GMDS: variants seen among roughly 807,000 people sequenced by gnomAD.
GMDS encodes GDP-mannose 4,6-dehydratase, also known as GDP-mannose 4,6 dehydratase.
GMDS carries 20 observed loss-of-function variants against 49.9 expected under a neutral mutation model. That is an observed-to-expected ratio of 0.40 (90% confidence interval 0.28 to 0.58). The LOEUF is 0.58. Among genes scored for constraint, GMDS ranks in the 20% least tolerant of loss-of-function variants. The pLI is 0.42. For missense variants in GMDS, 362 were observed against 481.4 expected, an observed-to-expected ratio of 0.75 and a Z score of 2.32; for synonymous variants, 177 against 178.6, an observed-to-expected ratio of 0.99 and a Z score of 0.07.
chr6:1,641,473 C>A (rs916372085), intron 9 of GMDS, among the ~76,000 whole-genome samples: 2 of 152,214 alleles, frequency 1.3e-5, no homozygotes, highest in African/African-American at 4.8e-5. Flanking sequence ...GTCAGGGTGC[C>A]GTGCACCTGG....
chr6:1,982,622 C>T (rs1471745758), intron 4 of GMDS, among the ~76,000 whole-genome samples: 1 of 152,066 alleles, frequency 6.6e-6, no homozygotes, highest in African/African-American at 2.4e-5. Flanking sequence ...AACTCCCATT[C>T]ACAATTGCCA....
intron 7 of GMDS, among the ~76,000 whole-genome samples, chr6:1,922,503 C>T (rs1026228572): frequency 1.7e-4 from 26 of 152,302 alleles, no homozygotes; most frequent in African/African-American, 6.3e-4. Context: ...AAACTCACGG[C>T]CCAAGGCGAC....
At chr6:2,216,042 A>G (rs1780319236) in intron 1 of GMDS, among the ~76,000 whole-genome samples, 1 of 152,226 alleles carries the variant, frequency 6.6e-6, no homozygotes, top group South Asian at 2.1e-4. Context: ...AATTACAATT[A>G]GAGGATGGGT....
chr6:1,941,762 C>T (rs998179429), intron 6 of GMDS, among the ~76,000 whole-genome samples: 5 of 152,084 alleles, frequency 3.3e-5, no homozygotes, highest in African/African-American at 1.2e-4. Flanking sequence ...ATTGCTGATG[C>T]CAAGTCTTCA....
At chr6:2,237,961 CT>C (rs1781441944) in intron 1 of GMDS, among the ~76,000 whole-genome samples, 1 of 152,020 alleles carries the variant, frequency 6.6e-6, no homozygotes, top group South Asian at 2.1e-4. Context: ...ATTTTCATGC[CT>C]TCTAAGTAAG....
intron 1 of GMDS, among the ~76,000 whole-genome samples, chr6:2,127,816 T>C (rs1775536646): frequency 6.6e-6 from 1 of 152,162 alleles, no homozygotes; most frequent in African/African-American, 2.4e-5. Context: ...GGTTTCCGCC[T>C]CCTCTTGAAG....
chr6:1,794,273 G>T (rs1375955061), intron 7 of GMDS, among the ~76,000 whole-genome samples: 1 of 151,470 alleles, frequency 6.6e-6, no homozygotes, highest in African/African-American at 2.4e-5. Flanking sequence ...CTAATCCAAA[G>T]ATTTATTAAT....
intron 6 of GMDS, among the ~76,000 whole-genome samples, chr6:1,950,355 T>C (rs1763279911): frequency 6.6e-6 from 1 of 152,198 alleles, no homozygotes; most frequent in South Asian, 2.1e-4. Flanking sequence ...CAACTTATTC[T>C]CAAATGAAAA....
intron 4 of GMDS, among the ~76,000 whole-genome samples, chr6:2,070,392 C>T (rs138872330): frequency 6.6e-6 from 1 of 151,814 alleles, no homozygotes; most frequent in Non-Finnish European, 1.5e-5. Flanking sequence ...ACATTGTGCA[C>T]ATGTACCGTA....
rs116625789 is a variant in GMDS, at chr6:2,131,898, C to T, written c.103-7167G>A. On this transcript the variant is annotated intron_variant, in intron 1 of 10. Transcript: ENST00000380815. ...TTCTTGCCACTCATACTGAAGTTTTCATCCATCAGAGAAAAAAAAATCTTC... is the reference window on the plus strand; with the variant it reads ...TTCTTGCCACTCATACTGAAGTTTTTATCCATCAGAGAAAAAAAAATCTTC... Among the ~76,000 whole-genome samples, 863 of 151,136 alleles carry T rather than the reference C, an allele frequency of 5.7e-3. 2 individuals carry two copies. The highest frequency in any genetic ancestry group is 0.017 in the Middle Eastern group (5 of 294).
Position 1,662,937 on chromosome 6 carries a change from C to G in GMDS, c.988-38397G>C, listed in dbSNP as rs183702459. ...TTCCATAGTGCATGAATCCTCCCAA[C>G]GAGACTGTCAGAATAAGGATATAGG... is the stretch of plus-strand genomic sequence containing the variant. On this transcript the variant is annotated intron_variant, in intron 9 of 10. Transcript: ENST00000380815. Among the ~76,000 whole-genome samples, 151 of 152,280 alleles carry G rather than the reference C, an allele frequency of 9.9e-4. 1 individual carries two copies. Among genetic ancestry groups the G allele is most frequent in the Non-Finnish European group, 1.2e-3 (85 of 68,028 alleles).
At chr6:1,624,443 G>C (rs778821858) in intron 10 of GMDS, 29 bp downstream of exon 10, 2 of 1,596,164 alleles carry the variant, frequency 1.3e-6, no homozygotes, top group East Asian at 2.2e-5. Context: ...GCCCCGCAGC[G>C]GGCGGCGTGC....
chr6:1,944,799 T>C (rs1762997025), intron 6 of GMDS, among the ~76,000 whole-genome samples: 1 of 152,228 alleles, frequency 6.6e-6, no homozygotes, highest in Non-Finnish European at 1.5e-5. Flanking sequence ...TTCAAATTCT[T>C]GATCTGATAG....
intron 9 of GMDS, among the ~76,000 whole-genome samples, chr6:1,720,568 A>G (rs1766346400): frequency 6.6e-6 from 1 of 152,224 alleles, no homozygotes; most frequent in South Asian, 2.1e-4. Flanking sequence ...TCTGATCAGC[A>G]TTCCACACTA....
intron 9 of GMDS, among the ~76,000 whole-genome samples, chr6:1,683,410 A>G (rs1046908109): frequency 2.4e-4 from 36 of 152,294 alleles, no homozygotes; most frequent in African/African-American, 7.2e-4. Context: ...GGCGTGAGCC[A>G]CCGCGCGCGG....
At chr6:1,961,194 G>A (rs539644473) in intron 4 of GMDS, among the ~76,000 whole-genome samples, 2 of 152,136 alleles carry the variant, frequency 1.3e-5, no homozygotes, top group Non-Finnish European at 2.9e-5. Context: ...CACTTTAACC[G>A]CCCTTCTACT....
intron 4 of GMDS, among the ~76,000 whole-genome samples, chr6:2,034,884 T>C (rs906862062): frequency 9.9e-5 from 15 of 152,080 alleles, no homozygotes; most frequent in Admixed American, 9.2e-4. Flanking sequence ...GCCTGGAAGG[T>C]AGGCATCATT....
chr6:1,740,953 A>AT (rs1336680313), intron 8 of GMDS, among the ~76,000 whole-genome samples: 6 of 152,154 alleles, frequency 3.9e-5, no homozygotes, highest in African/African-American at 1.4e-4. Context: ...AATTGTCAAT[A>AT]TTTTTCATAA....
intron 7 of GMDS, among the ~76,000 whole-genome samples, chr6:1,756,833 G>A (rs555940383): frequency 6.6e-6 from 1 of 152,296 alleles, no homozygotes; most frequent in South Asian, 2.1e-4. Context: ...TTCCAAGGTG[G>A]CAAAACAAAA....
Sources: gnomAD v4.1 joint callset for allele counts (sites outside exome capture counted in the v4.1 genomes callset) on GRCh38, gnomAD v4.1.1 for gene constraint, MANE v1.5 for transcripts, NCBI Gene and HGNC (gene_info 2026-07-23, HGNC 2026-07-21) for gene names.